The following CALN1 variants were observed in gnomAD, a reference collection of about 807,000 sequenced individuals.
The protein encoded by CALN1 is calneuron 1.
Under a neutral mutation model 30.6 loss-of-function variants are expected in CALN1, and 17 were observed. That is an observed-to-expected ratio of 0.56 (90% CI 0.38 to 0.83). The LOEUF (loss-of-function observed/expected upper bound fraction) is 0.83, where lower values mean the gene tolerates loss of function less well. Among genes scored for constraint, CALN1 ranks in the 40% least tolerant of loss-of-function variants. The probability of loss-of-function intolerance (pLI) is 0.00; values close to 1 mark genes in which losing one functional copy is unlikely to be tolerated. For synonymous variants in CALN1, 156 were observed against 131.4 expected (o/e 1.19, Z -1.28); for missense variants, 291 against 354.9 (o/e 0.82, Z 1.45).
chr7:72,088,693 C>T (rs1805642401), intron 4 of CALN1, among the ~76,000 whole-genome samples: 1 of 125,364 alleles, frequency 8.0e-6, no homozygotes, highest in Admixed American at 8.7e-5. Flanking sequence ...AGTGAGACTC[C>T]ATCTCAAGAA....
chr7:72,408,850 G>T (rs976267409), intron 1 of CALN1, among the ~76,000 whole-genome samples: 2 of 151,462 alleles, frequency 1.3e-5, no homozygotes, highest in Non-Finnish European at 2.9e-5. Context: ...GCTAATTTTT[G>T]TATTTTTTGT....
chr7:72,403,077 A>G (rs1283147230), intron 2 of CALN1, among the ~76,000 whole-genome samples, 174 bp downstream of exon 2: 1 of 152,148 alleles, frequency 6.6e-6, no homozygotes, highest in South Asian at 2.1e-4. Flanking sequence ...GGCTCAAGAA[A>G]GGGGATAGAA....
chr7:72,137,353 G>A (rs1213507758), intron 3 of CALN1, among the ~76,000 whole-genome samples: 1 of 152,162 alleles, frequency 6.6e-6, no homozygotes, highest in Admixed American at 6.5e-5. Context: ...AGATGGCGAT[G>A]CTCCTGCTCT....
intron 5 of CALN1, among the ~76,000 whole-genome samples, chr7:71,983,309 GC>G (rs1456539881): frequency 6.6e-6 from 1 of 152,160 alleles, no homozygotes; most frequent in South Asian, 2.1e-4. Context: ...GGACAATGAT[GC>G]CAATTCAGAA....
intron 2 of CALN1, among the ~76,000 whole-genome samples, chr7:72,340,899 T>C (rs7778366): frequency 0.014 from 2,066 of 152,268 alleles, 61 homozygotes; most frequent in African/African-American, 0.047. Flanking sequence ...TCTGCTGCCA[T>C]GTGAGATGTG....
In CALN1 at chr7:72,205,314, C is replaced by T. The variant is rs1199543397; in HGVS notation, c.244+73372G>A. Reference sequence around the variant, plus strand: ...GCCTCCCAGGCTCAAGCATCTTCTGCCTCAGCCTCCCTAGTAGCTGGGATT... The same window carrying T: ...GCCTCCCAGGCTCAAGCATCTTCTGTCTCAGCCTCCCTAGTAGCTGGGATT... On this transcript the variant is annotated intron_variant, in intron 3 of 6. Transcript: ENST00000395275. 2.0e-5 allele frequency among the ~76,000 whole-genome samples: 3 copies of T among 151,478 alleles called. No homozygotes were observed. The East Asian group carries it at 5.9e-4, about 30-fold the overall frequency.
rs1328939887 is a variant in CALN1 at position 72,339,502 on chromosome 7, T to TA, written c.120-60693dup. Among the ~76,000 whole-genome samples, 15 of 152,218 alleles carry TA rather than the reference T, an allele frequency of 9.9e-5. No individual in the cohort carries two copies. In the East Asian group the frequency reaches 2.7e-3, roughly 27 times the overall value. On this transcript the variant is annotated intron_variant, in intron 2 of 6. Coordinates refer to ENST00000395275, the MANE Select transcript of CALN1 (RefSeq NM_031468.4). ...CAGGTACCTAGCTAGCCCTGAGAAG[T>TA]AAACCAGCAACTTGATAAGCAAGAA...
intron 3 of CALN1, among the ~76,000 whole-genome samples, chr7:72,164,819 A>T (rs761020368): frequency 2.4e-4 from 37 of 152,252 alleles, no homozygotes; most frequent in Middle Eastern, 6.8e-3. Flanking sequence ...GCGTACCACC[A>T]TGCCTGGCTA....
intron 5 of CALN1, among the ~76,000 whole-genome samples, chr7:71,891,590 C>T (rs967025878): frequency 6.6e-6 from 1 of 152,190 alleles, no homozygotes; most frequent in Admixed American, 6.5e-5. Flanking sequence ...GTGCCTATTA[C>T]ATAGGGTTCT....
chr7:72,391,643 G>A (rs920186174), intron 2 of CALN1, among the ~76,000 whole-genome samples: 2 of 152,304 alleles, frequency 1.3e-5, no homozygotes, highest in African/African-American at 2.4e-5. Context: ...TACTGTTCTC[G>A]TGGTAGTGAG....
chr7:72,442,095 C>G lies in CALN1; in HGVS notation c.-226+4947G>C, dbSNP rs143498425. The stretch of plus-strand genomic sequence containing the variant: ...CCAACCCATCAACACATCCCATTGC[C>G]TCCATCCTGAAAAAAACAAAAAGTT... On this transcript the variant is annotated intron_variant, in intron 1 of 6. Coordinates refer to the CALN1 transcript ENST00000395276. Among the ~76,000 whole-genome samples, 13 of 152,242 alleles carry G rather than the reference C, an allele frequency of 8.5e-5. 1 individual carries two copies. The East Asian group carries it at 2.3e-3, about 27-fold the overall frequency.
At chr7:72,449,568 T>C (rs1441144611), upstream of CALN1, among the ~76,000 whole-genome samples, 1 of 151,942 alleles carries the variant, frequency 6.6e-6, no homozygotes, top group Non-Finnish European at 1.5e-5. Flanking sequence ...GGAAAATCTT[T>C]GTCAGCAAAG....
At chr7:71,957,585 C>G (rs1562935256) in intron 5 of CALN1, among the ~76,000 whole-genome samples, 1 of 152,186 alleles carries the variant, frequency 6.6e-6, no homozygotes, top group Non-Finnish European at 1.5e-5. Context: ...AATGGCAAAT[C>G]TCTTAAGTAA....
chr7:71,902,125 G>A (rs1203373604), intron 5 of CALN1, among the ~76,000 whole-genome samples: 1 of 152,150 alleles, frequency 6.6e-6, no homozygotes, highest in Non-Finnish European at 1.5e-5. Context: ...TGAACAGGCT[G>A]AGGCTGGAGA....
intron 5 of CALN1, among the ~76,000 whole-genome samples, chr7:71,862,316 G>A (rs901693452): frequency 6.6e-6 from 1 of 152,182 alleles, no homozygotes; most frequent in Non-Finnish European, 1.5e-5. Flanking sequence ...ATCTTGAATT[G>A]TAGCTCCCAT....
chr7:71,972,018 A>AG (rs1562946943), intron 5 of CALN1, among the ~76,000 whole-genome samples: 181 of 122,464 alleles, frequency 1.5e-3, no homozygotes, highest in Non-Finnish European at 2.0e-3. Context: ...AAAGAAAGAA[A>AG]AGAAAGAAAG....
intron 1 of CALN1, among the ~76,000 whole-genome samples, chr7:72,422,371 C>G (rs1433825347): frequency 6.6e-6 from 1 of 152,160 alleles, no homozygotes; most frequent in Non-Finnish European, 1.5e-5. Flanking sequence ...TGCATTTCCC[C>G]GGTGATTAGT....
chr7:72,169,896 T>C (rs1788816287), intron 3 of CALN1, among the ~76,000 whole-genome samples: 1 of 152,142 alleles, frequency 6.6e-6, no homozygotes, highest in Non-Finnish European at 1.5e-5. Context: ...TGTTGCCATA[T>C]TGGCCAGGCT....
chr7:71,789,967 G>A (rs530261492), intron 6 of CALN1, among the ~76,000 whole-genome samples: 3 of 151,958 alleles, frequency 2.0e-5, no homozygotes, highest in East Asian at 1.9e-4. Context: ...GCTGGGTGTC[G>A]TTGGTGCATG....
Sources: allele counts gnomAD v4.1 joint callset (sites outside exome capture counted in the v4.1 genomes callset), GRCh38; gene constraint gnomAD v4.1.1; transcripts MANE v1.5; gene names NCBI Gene and HGNC (gene_info 2026-07-23, HGNC 2026-07-21).